The following SGK3 variants were observed in gnomAD, a reference collection of about 807,000 sequenced individuals.
The protein encoded by SGK3 is serine/threonine-protein kinase Sgk3.
In SGK3, 47 loss-of-function variants were observed where a neutral mutation model predicts 68.5. The ratio of observed to expected loss-of-function variants is 0.69; its 90% CI spans 0.54 to 0.87. The LOEUF (loss-of-function observed/expected upper bound fraction) is 0.87. Among genes scored for constraint, SGK3 ranks in the 40% least tolerant of loss-of-function variants. SGK3 has a pLI of 0.00. For missense variants in SGK3, 479 were observed against 575.5 expected, an observed-to-expected ratio of 0.83 and a Z score of 1.72; for synonymous variants, 181 against 189.1, an observed-to-expected ratio of 0.96 and a Z score of 0.35.
At chr8:66,729,807 C>T (rs1019792942) in intron 1 of SGK3, among the ~76,000 whole-genome samples, 15 of 152,010 alleles carry the variant, frequency 9.9e-5, no homozygotes, top group Non-Finnish European at 1.5e-4. Context: ...TACAGTGGCG[C>T]GATCTTGGCT....
chr8:66,854,922 G>T (rs1286632684), intron 16 of SGK3, among the ~76,000 whole-genome samples: 2 of 152,028 alleles, frequency 1.3e-5, no homozygotes, highest in African/African-American at 2.4e-5. Flanking sequence ...GCTGAGGCAG[G>T]TGGATTTTTT....
chr8:66,776,096 A>G (rs1207220259), intron 1 of SGK3, among the ~76,000 whole-genome samples: 1 of 152,218 alleles, frequency 6.6e-6, no homozygotes, highest in African/African-American at 2.4e-5. Context: ...ACCTACGTAT[A>G]TTCTTTCCTC....
At chr8:66,851,047 T>C in intron 16 of SGK3, 127 bp downstream of exon 16, 1 of 1,011,690 alleles carries the variant, frequency 9.9e-7, no homozygotes. Flanking sequence ...TTGTGAAATA[T>C]GTCACTCAGG....
At chr8:66,795,104 A>G (rs1807623932) in intron 2 of SGK3, among the ~76,000 whole-genome samples, 1 of 152,186 alleles carries the variant, frequency 6.6e-6, no homozygotes, top group African/African-American at 2.4e-5. Context: ...GTTGAGTCCC[A>G]TGACAGGTGA....
At chr8:66,792,725 C>CAAA (rs750262232) in intron 1 of SGK3, among the ~76,000 whole-genome samples, 2 of 150,872 alleles carry the variant, frequency 1.3e-5, no homozygotes, top group African/African-American at 4.9e-5. Context: ...AAGAAAAAAA[C>CAAA]AAAAAAAAAG....
chr8:66,830,538 C>T (rs1367336895), intron 7 of SGK3, among the ~76,000 whole-genome samples: 4 of 152,208 alleles, frequency 2.6e-5, no homozygotes, highest in African/African-American at 7.2e-5. Flanking sequence ...TTGGAGGAAA[C>T]GGCTCTTTTG....
intron 14 of SGK3, among the ~76,000 whole-genome samples, chr8:66,846,941 A>AT (rs1238271351): frequency 6.6e-6 from 1 of 152,192 alleles, no homozygotes; most frequent in African/African-American, 2.4e-5. Context: ...GTTGTATATA[A>AT]TTTAACAGCT....
At chr8:66,837,417 G>A (rs1331841770) in intron 10 of SGK3, among the ~76,000 whole-genome samples, 1 of 152,146 alleles carries the variant, frequency 6.6e-6, no homozygotes, top group Non-Finnish European at 1.5e-5. Context: ...AAGATGGTCA[G>A]ACACACCTAG....
At chr8:66,762,811 A>G (rs1327519495) in intron 1 of SGK3, among the ~76,000 whole-genome samples, 1 of 152,220 alleles carries the variant, frequency 6.6e-6, no homozygotes, top group African/African-American at 2.4e-5. Flanking sequence ...AGGATCTCCC[A>G]CTAAAGTTTA....
intron 8 of SGK3, 89 bp from the exon 9 acceptor site, chr8:66,835,674 T>C: frequency 7.2e-7 from 1 of 1,388,350 alleles, no homozygotes; most frequent in Non-Finnish European, 9.7e-7. Context: ...TTTTACAGAA[T>C]TTAAGAAGTA....
intron 10 of SGK3, 120 bp from the exon 11 acceptor site, chr8:66,839,883 C>T (rs993534751): frequency 7.8e-6 from 7 of 893,120 alleles, no homozygotes; most frequent in Non-Finnish European, 1.2e-5. Context: ...ATTTTTAGCT[C>T]ACATTCAAAG....
chr8:66,850,705 A>G (rs1039947599), intron 15 of SGK3, 126 bp from the exon 16 acceptor site: 2 of 833,298 alleles, frequency 2.4e-6, no homozygotes, highest in Non-Finnish European at 3.7e-6. Context: ...CACAAATAAC[A>G]TACACATGTT....
intron 1 of SGK3, among the ~76,000 whole-genome samples, chr8:66,760,580 C>T (rs1019726496): frequency 1.6e-4 from 24 of 151,978 alleles, no homozygotes; most frequent in African/African-American, 3.4e-4. Context: ...ATGATCCGTC[C>T]GCCTCGGCCT....
chr8:66,801,821 ACT>A (rs1807959081), intron 3 of SGK3, among the ~76,000 whole-genome samples: 1 of 109,288 alleles, frequency 9.2e-6, no homozygotes, highest in East Asian at 2.5e-4. Flanking sequence ...TCATCTAAAA[ACT>A]CAGCACTGTG....
intron 15 of SGK3, among the ~76,000 whole-genome samples, chr8:66,849,701 T>C (rs1170349520): frequency 6.6e-6 from 1 of 151,212 alleles, no homozygotes; most frequent in Non-Finnish European, 1.5e-5. Context: ...GTTCAAGTGA[T>C]CCTCCCACCT....
At chr8:66,798,488 A>G in intron 2 of SGK3, 54 bp from the exon 3 acceptor site, 1 of 1,504,962 alleles carries the variant, frequency 6.6e-7, no homozygotes, top group Non-Finnish European at 9.0e-7. Context: ...TAAGTAGCTA[A>G]TGGGTTTTTT....
intron 2 of SGK3, among the ~76,000 whole-genome samples, chr8:66,797,192 A>G (rs16933057): frequency 0.13 from 19,221 of 152,142 alleles, 2,284 homozygotes; most frequent in African/African-American, 0.31. Flanking sequence ...ACTTTCTAAG[A>G]TCCATTCTTC....
At chr8:66,837,019 C>T (rs571428794) in intron 10 of SGK3, among the ~76,000 whole-genome samples, 3 of 152,236 alleles carry the variant, frequency 2.0e-5, no homozygotes, top group Admixed American at 6.5e-5. Flanking sequence ...TAATAACTAA[C>T]TTCCATTGAG....
Position 66,798,604 on chromosome 8 carries a change from G to A in SGK3, c.159G>A (p.Glu53=). 3 of 1,610,712 alleles carry A rather than the reference G, an allele frequency of 1.9e-6. No homozygotes were observed. Among genetic ancestry groups the A allele is most frequent in the African/African-American group, 1.3e-5 (1 of 74,962 alleles). The change falls in exon 3 of 17, where the codon GAG becomes GAA. Residue 53 remains glutamate (E), a synonymous_variant. Transcript: ENST00000521198. ...GGTTTGTCTTCAGGAGATATGCAGA[G>A]TTTGATAAACTTTATAACACTGTAA... ...SEWFVFRRYA[E]FDKLYNTLKK... is the part of the protein sequence containing the mutation.
Sources: allele counts gnomAD v4.1 joint callset (sites outside exome capture counted in the v4.1 genomes callset), GRCh38; gene constraint gnomAD v4.1.1; transcripts MANE v1.5; gene names NCBI Gene and HGNC (gene_info 2026-07-23, HGNC 2026-07-21).